The following LIPG variants were observed in gnomAD, a reference collection of about 807,000 sequenced individuals.
LIPG encodes the protein endothelial lipase.
In LIPG, 34 loss-of-function variants were observed where a neutral mutation model predicts 51.8. The observed-to-expected ratio is 0.66, with a 90% confidence interval of 0.50 to 0.87. The LOEUF is 0.87. Ranked by LOEUF, LIPG falls within the 40% of genes least tolerant of loss-of-function variation. The pLI, the probability that LIPG is intolerant of heterozygous loss-of-function variation, is 0.00. For missense variants in LIPG, 580 were observed against 652.7 expected (o/e 0.89, Z 1.21); for synonymous variants, 246 against 246.1 (o/e 1.00, Z 0.00).
chr18:49,575,404 G>T lies in LIPG; in HGVS notation c.607G>T (p.Asp203Tyr), dbSNP rs368016590. 3 of 1,613,502 alleles carry T rather than the reference G, an allele frequency of 1.9e-6. No individual in the cohort carries two copies. Among genetic ancestry groups the T allele is most frequent in the South Asian group, 2.2e-5 (2 of 91,034 alleles). ...TGCCGGGCCCATGTTTGAAGGGGCC[G>T]ACATCCACAAGAGGCTCTCTCCGGA... ...DPAGPMFEGA[D>Y]IHKRLSPDDA... is the part of the protein sequence containing the mutation. The change falls in exon 5 of 10, where the codon GAC (aspartate) becomes TAC (tyrosine). Residue 203 changes from aspartate to tyrosine, a missense_variant. Physicochemically the swap from Asp to Tyr is radical, Grantham distance 160. Coordinates refer to ENST00000261292, the MANE Select transcript of LIPG (RefSeq NM_006033.4).
At chr18:49,585,826 G>A (rs185064065) in intron 8 of LIPG, among the ~76,000 whole-genome samples, 1 of 152,258 alleles carries the variant, frequency 6.6e-6, no homozygotes, top group Non-Finnish European at 1.5e-5. Context: ...CCCAGGTCTG[G>A]TGGGACATTC....
chr18:49,578,126 C>A (rs1433689736), intron 5 of LIPG, among the ~76,000 whole-genome samples: 19 of 143,766 alleles, frequency 1.3e-4, no homozygotes, highest in African/African-American at 4.5e-4. Flanking sequence ...GGGCTGACCC[C>A]CCCCCACCTC....
rs189133659 is a variant in LIPG at position 49,593,897 on chromosome 18, G to C, written c.*3375G>C. 6 of 152,296 alleles carry C rather than the reference G, an allele frequency of 3.9e-5. No individual in the cohort carries two copies. The highest frequency in any genetic ancestry group is 1.4e-4 in the African/African-American group (6 of 41,568). 9.4% of individuals were successfully genotyped at this position (152,296 alleles called of 1,614,324 possible). On this transcript the variant is annotated 3_prime_UTR_variant, in exon 10 of 10. Coordinates refer to ENST00000261292, the MANE Select transcript of LIPG (RefSeq NM_006033.4). ...TGACATATAATAATTGTACATATTT[G>C]TGGGGAAAATAGTGATGTTTCGATA...
At chr18:49,575,673 G>A (rs45451293) in intron 5 of LIPG, 83 bp downstream of exon 5, 16,920 of 1,090,304 alleles carry the variant, frequency 0.016, 234 homozygotes, top group Middle Eastern at 0.068. Context: ...AGCACTGCAG[G>A]CACTATTTAT....
intron 2 of LIPG, among the ~76,000 whole-genome samples, chr18:49,565,889 A>G (rs1280847527): frequency 2.0e-5 from 3 of 152,256 alleles, no homozygotes; most frequent in Admixed American, 2.0e-4. Flanking sequence ...ATGAGTAGCC[A>G]GCTGGCCTGG....
intron 9 of LIPG, 129 bp from the exon 10 acceptor site, chr18:49,590,372 A>G: frequency 1.1e-6 from 1 of 943,196 alleles, no homozygotes; most frequent in South Asian, 1.4e-5. Context: ...AAAGGAATAC[A>G]TGTAAAATAG....
At chr18:49,563,519 C>G (rs1294232212) in intron 1 of LIPG, among the ~76,000 whole-genome samples, 1 of 151,838 alleles carries the variant, frequency 6.6e-6, no homozygotes, top group Admixed American at 6.6e-5. Context: ...AATCTGTGCC[C>G]TTGTGACACT....
At chr18:49,574,066 AC>A (rs1436953870) in intron 4 of LIPG, among the ~76,000 whole-genome samples, 1 of 152,222 alleles carries the variant, frequency 6.6e-6, no homozygotes, top group African/African-American at 2.4e-5. Flanking sequence ...GGGCAAAGCC[AC>A]TTGTAGTGGT....
intron 1 of LIPG, among the ~76,000 whole-genome samples, chr18:49,564,102 T>C (rs1007113632): frequency 6.6e-6 from 1 of 152,196 alleles, no homozygotes; most frequent in Non-Finnish European, 1.5e-5. Context: ...CTTATCCCTC[T>C]TACATCTGCT....
At chr18:49,585,428 T>C (rs1283295983) in intron 8 of LIPG, among the ~76,000 whole-genome samples, 3 of 152,378 alleles carry the variant, frequency 2.0e-5, no homozygotes, top group African/African-American at 7.2e-5. Context: ...GAATTTTACA[T>C]GAGTGGACAT....
chr18:49,582,596 C>T, intron 7 of LIPG, 114 bp downstream of exon 7: 2 of 1,392,910 alleles, frequency 1.4e-6, no homozygotes, highest in Non-Finnish European at 2.0e-6. Context: ...TGCAGTCCGA[C>T]TGCTCAGGGA....
At chr18:49,575,654 A>G (rs148568915) in intron 5 of LIPG, 64 bp downstream of exon 5, 1 of 1,367,042 alleles carries the variant, frequency 7.3e-7, no homozygotes, top group African/African-American at 1.4e-5. Flanking sequence ...TAAATCAGCC[A>G]GAGCCTTTAG....
intron 4 of LIPG, among the ~76,000 whole-genome samples, chr18:49,574,979 AGAAT>A (rs1307403486): frequency 6.6e-6 from 1 of 152,236 alleles, no homozygotes; most frequent in African/African-American, 2.4e-5. Context: ...GCTCAGTGGC[AGAAT>A]GAATGGGACA....
chr18:49,573,579 CAAA>C (rs35007833), intron 4 of LIPG, among the ~76,000 whole-genome samples: 1 of 115,308 alleles, frequency 8.7e-6, no homozygotes, highest in Non-Finnish European at 1.9e-5. Flanking sequence ...GATTCCAACT[CAAA>C]AAAAAAAAAA....
intron 3 of LIPG, 134 bp downstream of exon 3, chr18:49,567,755 T>C (rs760365724): frequency 4.8e-6 from 4 of 830,206 alleles, no homozygotes; most frequent in Non-Finnish European, 5.6e-6. Context: ...AAAAGTTTTA[T>C]TGAATTAAGT....
At position 49,586,851 on chromosome 18, in the gene LIPG, G is replaced by A. The variant is rs2084885634; in HGVS notation, c.1481+1G>A. ...GCTGGAGGATGAAAAACGAAACCAG[G>A]TAACCAGGACTTTCTCACACGTTCC... On this transcript the variant is annotated splice_donor_variant, in intron 9 of 9. Coordinates refer to ENST00000261292, the MANE Select transcript of LIPG (RefSeq NM_006033.4). LOFTEE classifies it high-confidence loss of function. The A allele has an allele frequency of 6.2e-7, 1 of 1,611,118 alleles. No individual in the cohort carries two copies. Among genetic ancestry groups the A allele is most frequent in the African/African-American group, 1.3e-5 (1 of 74,868 alleles).
At position 49,562,329 on chromosome 18, in the gene LIPG, GCT is replaced by G. The variant is rs1180669543; in HGVS notation, c.24_25del (p.Cys9PhefsTer25). Reference sequence around the variant, plus strand: ...GCAGGATGAGCAACTCCGTTCCTCTGCTCTGTTTCTGGAGCCTCTGCTATTGC... The same window carrying G: ...GCAGGATGAGCAACTCCGTTCCTCTGCTGTTTCTGGAGCCTCTGCTATTGC... MSNSVPL[L>X]CFWSLCYCFA... On this transcript the variant is annotated frameshift_variant, in exon 1 of 10. Coordinates refer to ENST00000261292, the MANE Select transcript of LIPG (RefSeq NM_006033.4). LOFTEE classifies it high-confidence loss of function. The G allele has an allele frequency of 1.2e-6, 2 of 1,613,274 alleles. No homozygotes were observed. Among genetic ancestry groups the G allele is most frequent in the Admixed American group, 1.7e-5 (1 of 60,018 alleles).
intron 8 of LIPG, among the ~76,000 whole-genome samples, chr18:49,584,976 CCTT>C (rs1288290960): frequency 1.3e-5 from 2 of 152,150 alleles, no homozygotes; most frequent in Non-Finnish European, 2.9e-5. Context: ...TCTGCTCTAC[CCTT>C]CTTCTTTCAA....
chr18:49,581,795 C>T (rs2084823564), intron 6 of LIPG, 138 bp downstream of exon 6: 3 of 1,066,612 alleles, frequency 2.8e-6, no homozygotes, highest in South Asian at 1.3e-5. Context: ...AATCAGATTA[C>T]ACTGTGCATG....
Sources: allele counts gnomAD v4.1 joint callset (sites outside exome capture counted in the v4.1 genomes callset), GRCh38; gene constraint gnomAD v4.1.1; transcripts MANE v1.5; gene names NCBI Gene and HGNC (gene_info 2026-07-23, HGNC 2026-07-21).